UBR7: variants seen among roughly 807,000 people sequenced by gnomAD.
The protein encoded by UBR7 is ubiquitin protein ligase E3 component n-recognin 7, also known as putative E3 ubiquitin-protein ligase UBR7.
In UBR7, 22 loss-of-function variants were observed where a neutral mutation model predicts 57.0. That is an observed-to-expected ratio of 0.39 (90% confidence interval 0.28 to 0.55). The LOEUF is 0.55. Among genes scored for constraint, UBR7 ranks in the 20% least tolerant of loss-of-function variants. The probability of loss-of-function intolerance (pLI) is 0.69; values close to 1 mark genes in which losing one functional copy is unlikely to be tolerated. For synonymous variants in UBR7, 167 were observed against 179.8 expected, an observed-to-expected ratio of 0.93 and a Z score of 0.57; for missense variants, 395 against 513.2, an observed-to-expected ratio of 0.77 and a Z score of 2.23.
chr14:93,207,563 T>TA, intron 1 of UBR7, 122 bp downstream of exon 1: 1 of 1,319,414 alleles, frequency 7.6e-7, no homozygotes, highest in Non-Finnish European at 1.0e-6. Flanking sequence ...GGGCCGCCGT[T>TA]AGTCTGCCGC....
chr14:93,224,669 G>A (rs566654479), intron 10 of UBR7, among the ~76,000 whole-genome samples: 11 of 152,260 alleles, frequency 7.2e-5, no homozygotes, highest in African/African-American at 1.7e-4. Flanking sequence ...GAGCCACCTC[G>A]CCCGGCCTTC....
chr14:93,224,053 G>A, intron 10 of UBR7: 2 of 1,003,328 alleles, frequency 2.0e-6, no homozygotes, highest in Admixed American at 1.8e-5. Context: ...AGATTCGCAT[G>A]TGGTAGAGGG....
At chr14:93,215,689 CAAAAA>C (rs34666080) in intron 6 of UBR7, among the ~76,000 whole-genome samples, 31 of 71,824 alleles carry the variant, frequency 4.3e-4, no homozygotes, top group South Asian at 1.3e-3. Flanking sequence ...ACTCCATCCT[CAAAAA>C]AAAAAAAAAA....
At position 93,207,493 on chromosome 14, in the gene UBR7, T is replaced by C. The variant is rs1291160245; in HGVS notation, c.150+52T>C. On this transcript the variant is annotated intron_variant, in intron 1 of 10. Transcript: ENST00000013070. ...CCCCCGGCTCCCGCCGAACCTCCCCTTCCCGGCCCGGCTGTCCCTATTCCC... is the reference window on the plus strand; with the variant it reads ...CCCCCGGCTCCCGCCGAACCTCCCCCTCCCGGCCCGGCTGTCCCTATTCCC... 3.3e-6 allele frequency: 5 copies of C among 1,494,212 alleles called. No homozygotes were observed. The Admixed American group carries it at 1.2e-4, about 36-fold the overall frequency. 92.6% of individuals were successfully genotyped at this position (1,494,212 alleles called of 1,614,324 possible). A position where few individuals can be genotyped will look rare whatever the true frequency, so the allele number is the denominator to read the frequency against.
chr14:93,215,375 C>A, intron 6 of UBR7, 94 bp downstream of exon 6: 1 of 1,115,902 alleles, frequency 9.0e-7, no homozygotes, highest in Non-Finnish European at 1.3e-6. Flanking sequence ...TTTAACTGGG[C>A]TCTGTGGTTA....
At chr14:93,222,049 C>G (rs907024449) in intron 9 of UBR7, among the ~76,000 whole-genome samples, 1 of 150,592 alleles carries the variant, frequency 6.6e-6, no homozygotes, top group Non-Finnish European at 1.5e-5. Context: ...TTTAAAAATT[C>G]TTAATCTTTA....
rs576018622 is a variant in UBR7 at position 93,228,555 on chromosome 14, G to A, written c.*1520G>A. 2.2e-6 allele frequency: 1 copy of A among 454,046 alleles called. No homozygotes were observed. 28.1% of individuals were successfully genotyped at this position (454,046 alleles called of 1,614,324 possible). ...CACAACCATGTTCTTCGGCACTCAG[G>A]CTCCTAATTGCAGATCCTCACGAAG... On this transcript the variant is annotated 3_prime_UTR_variant, in exon 11 of 11. Coordinates refer to ENST00000013070, the MANE Select transcript of UBR7 (RefSeq NM_175748.4).
intron 6 of UBR7, 40 bp downstream of exon 6, chr14:93,215,321 C>A: frequency 6.7e-7 from 1 of 1,502,284 alleles, no homozygotes; most frequent in Non-Finnish European, 9.1e-7. Context: ...CAAACTTGTG[C>A]TTGTGAAATT....
chr14:93,215,714 T>C lies in UBR7; in HGVS notation c.601+433T>C, dbSNP rs1329196885. Among the ~76,000 whole-genome samples the C allele has an allele frequency of 4.4e-5, 6 of 136,540 alleles. No homozygotes were observed. In the East Asian group the frequency reaches 1.3e-3, roughly 29 times the overall value. 89.6% of individuals were successfully genotyped at this position (136,540 alleles called of 152,430 possible). On this transcript the variant is annotated intron_variant, in intron 6 of 10. Coordinates refer to ENST00000013070, the MANE Select transcript of UBR7 (RefSeq NM_175748.4). ...CAAAAAAAAAAAAAAAAAAAAAGAATAGTATGTGTTCTTTCTCCACAAGGT... is the reference window on the plus strand; with the variant it reads ...CAAAAAAAAAAAAAAAAAAAAAGAACAGTATGTGTTCTTTCTCCACAAGGT...
intron 1 of UBR7, among the ~76,000 whole-genome samples, chr14:93,209,270 G>T (rs1032592805): frequency 3.3e-5 from 5 of 152,162 alleles, no homozygotes; most frequent in Non-Finnish European, 5.9e-5. Context: ...AAATCAAAGG[G>T]ATTCTTTGCA....
chr14:93,211,226 AG>A (rs1894474928), intron 3 of UBR7, among the ~76,000 whole-genome samples: 2 of 149,568 alleles, frequency 1.3e-5, no homozygotes. Context: ...CAACAGAGCA[AG>A]ACTCCATCTC....
At chr14:93,223,718 G>T in intron 10 of UBR7, 1 of 869,692 alleles carries the variant, frequency 1.1e-6, no homozygotes, top group Non-Finnish European at 1.9e-6. Context: ...CCGGCCGGCT[G>T]GCGGCACTTG....
chr14:93,222,390 G>T lies in UBR7; in HGVS notation c.1185+16G>T, dbSNP rs768556068. ...TGAAGGCACGGTATGTTGAGTTAAA[G>T]AATTCTAATCATAGCCCTGTAAGTT... On this transcript the variant is annotated intron_variant, in intron 10 of 10. Coordinates refer to ENST00000013070, the MANE Select transcript of UBR7 (RefSeq NM_175748.4). 3 of 1,566,916 alleles carry T rather than the reference G, an allele frequency of 1.9e-6. No homozygotes were observed. The highest frequency in any genetic ancestry group is 1.1e-5 in the South Asian group (1 of 90,102).
In UBR7 at chr14:93,210,699, A is replaced by G; in HGVS notation, c.336A>G (p.Lys112=). Residue 112 remains lysine (K), a synonymous_variant, in exon 3 of 11, where the codon AAA becomes AAG. Coordinates refer to ENST00000013070, the MANE Select transcript of UBR7 (RefSeq NM_175748.4). The part of the protein sequence containing the change: ...GNSKFKNLEC[K]LLPDKAKVNS... ...GCAAGTTTAAAAATTTGGAATGCAA[A>G]TTACTTCCTGTAAGTAAGCACTGTA... The G allele has an allele frequency of 6.2e-7, 1 of 1,609,406 alleles. No individual in the cohort carries two copies. The highest frequency in any genetic ancestry group is 1.7e-5 in the Admixed American group (1 of 59,650).
intron 6 of UBR7, among the ~76,000 whole-genome samples, chr14:93,216,489 T>C (rs973370978): frequency 2.0e-5 from 3 of 152,238 alleles, no homozygotes; most frequent in Non-Finnish European, 4.4e-5. Context: ...ATCTGCTGCT[T>C]AGGCTTCATA....
Position 93,212,124 on chromosome 14 carries a change from C to T in UBR7, c.438C>T (p.Asp146=), listed in dbSNP as rs137967567. Residue 146 remains aspartate (D), a synonymous_variant, in exon 4 of 11, where the codon GAC becomes GAT. Transcript: ENST00000013070. ...ICKRPYPDPE[D]EIPDEMIQCV... is the part of the protein sequence containing the mutation. ...AGAGACCTTATCCTGATCCTGAAGACGAGGTAAGAGAATTGGAAGTTAAAC... is the reference window on the plus strand; with the variant it reads ...AGAGACCTTATCCTGATCCTGAAGATGAGGTAAGAGAATTGGAAGTTAAAC... The T allele has an allele frequency of 2.5e-5, 40 of 1,609,376 alleles. No individual in the cohort carries two copies. Among genetic ancestry groups the T allele is most frequent in the East Asian group, 4.5e-5 (2 of 44,794 alleles).
intron 4 of UBR7, among the ~76,000 whole-genome samples, chr14:93,213,215 A>G (rs1267332249): frequency 6.6e-6 from 1 of 152,172 alleles, no homozygotes; most frequent in African/African-American, 2.4e-5. Context: ...GCAACAGTAT[A>G]TGATAGTGTT....
At chr14:93,210,550 G>A (rs1005475301) in intron 2 of UBR7, 98 bp from the exon 3 acceptor site, 3 of 1,006,202 alleles carry the variant, frequency 3.0e-6, no homozygotes, top group Non-Finnish European at 1.5e-6. Flanking sequence ...TTAATTTCCC[G>A]AATTGTGAAG....
At chr14:93,208,305 T>C (rs1369285287) in intron 1 of UBR7, among the ~76,000 whole-genome samples, 3 of 152,128 alleles carry the variant, frequency 2.0e-5, no homozygotes, top group East Asian at 1.9e-4. Context: ...GTATTCATTA[T>C]GTGGTATGAA....
Sources: gnomAD v4.1 joint callset for allele counts (sites outside exome capture counted in the v4.1 genomes callset) on GRCh38, gnomAD v4.1.1 for gene constraint, MANE v1.5 for transcripts, NCBI Gene and HGNC (gene_info 2026-07-23, HGNC 2026-07-21) for gene names.